Variants in ZNF385D observed in about 807,000 individuals in gnomAD.
ZNF385D encodes the protein zinc finger protein 659.
A neutral mutation model predicts 35.8 loss-of-function variants in ZNF385D; 15 were observed. The ratio of observed to expected loss-of-function variants is 0.42; its 90% CI spans 0.28 to 0.64. ZNF385D has a LOEUF of 0.64. Ranked by LOEUF, ZNF385D falls within the 30% of genes least tolerant of loss-of-function variation. The pLI is 0.23. For synonymous variants in ZNF385D, 212 were observed against 186.8 expected (o/e 1.13, Z -1.10); for missense variants, 474 against 494.6 (o/e 0.96, Z 0.39).
chr3:22,253,579 G>A (rs1039252032), intron 2 of ZNF385D, among the ~76,000 whole-genome samples: 26 of 151,920 alleles, frequency 1.7e-4, no homozygotes, highest in African/African-American at 5.8e-4. Context: ...CTCATGACAT[G>A]ATAGGACTCA....
chr3:21,864,990 C>CTTTTTT (rs3073906), intron 3 of ZNF385D, among the ~76,000 whole-genome samples: 3,995 of 112,104 alleles, frequency 0.036, 267 homozygotes, highest in African/African-American at 0.068. Flanking sequence ...TGGAACAATG[C>CTTTTTT]TTTTTTTTTT....
At chr3:21,969,439 T>C (rs2125336813) in intron 3 of ZNF385D, among the ~76,000 whole-genome samples, 1 of 152,186 alleles carries the variant, frequency 6.6e-6, no homozygotes, top group East Asian at 1.9e-4. Flanking sequence ...GAGAAGGAGG[T>C]CCTAGCTTTC....
At chr3:22,358,662 G>C (rs1235294319) in intron 2 of ZNF385D, among the ~76,000 whole-genome samples, 1 of 151,740 alleles carries the variant, frequency 6.6e-6, no homozygotes, top group Non-Finnish European at 1.5e-5. Flanking sequence ...TAATAAAAGA[G>C]AAATTTTGGA....
At chr3:21,938,945 C>G (rs113084193) in intron 3 of ZNF385D, among the ~76,000 whole-genome samples, 124 of 152,330 alleles carry the variant, frequency 8.1e-4, no homozygotes, top group African/African-American at 2.8e-3. Flanking sequence ...AGTCACTGAA[C>G]TGAACTGTGA....
intron 4 of ZNF385D, among the ~76,000 whole-genome samples, chr3:21,462,748 G>A (rs1013931108): frequency 1.1e-4 from 17 of 152,184 alleles, no homozygotes; most frequent in African/African-American, 3.4e-4. Context: ...TTGGGAGGCC[G>A]AGGAGGGTAG....
intron 4 of ZNF385D, among the ~76,000 whole-genome samples, chr3:21,468,490 A>C (rs1227679206): frequency 6.6e-6 from 1 of 151,958 alleles, no homozygotes; most frequent in Non-Finnish European, 1.5e-5. Flanking sequence ...CCAAATATGC[A>C]TCACCATGTA....
At chr3:21,969,576 C>T (rs1703118274) in intron 3 of ZNF385D, among the ~76,000 whole-genome samples, 1 of 152,152 alleles carries the variant, frequency 6.6e-6, no homozygotes, top group Admixed American at 6.5e-5. Flanking sequence ...TGCTTGACTC[C>T]AGGCCCTGGT....
At chr3:21,994,168 T>A (rs1695320438) in intron 3 of ZNF385D, among the ~76,000 whole-genome samples, 1 of 152,200 alleles carries the variant, frequency 6.6e-6, no homozygotes, top group South Asian at 2.1e-4. Context: ...TGACTACAGG[T>A]GTGTTCCTGG....
At chr3:22,211,267 T>C (rs1296062856) in intron 2 of ZNF385D, among the ~76,000 whole-genome samples, 1 of 151,914 alleles carries the variant, frequency 6.6e-6, no homozygotes, top group Non-Finnish European at 1.5e-5. Context: ...AATGAATGAA[T>C]ATTCCTCAGT....
At chr3:22,127,674 C>G (rs1325092970) in intron 3 of ZNF385D, among the ~76,000 whole-genome samples, 2 of 151,942 alleles carry the variant, frequency 1.3e-5, no homozygotes. Context: ...TCCCATGAGG[C>G]TCACAAATAT....
chr3:21,944,328 C>T (rs1470664349), intron 3 of ZNF385D, among the ~76,000 whole-genome samples: 1 of 152,182 alleles, frequency 6.6e-6, no homozygotes, highest in African/African-American at 2.4e-5. Context: ...GTTAGGATCA[C>T]ACTGAGAACT....
intron 1 of ZNF385D, among the ~76,000 whole-genome samples, chr3:21,701,262 G>A (rs1183020039): frequency 5.9e-5 from 9 of 151,444 alleles, no homozygotes; most frequent in Non-Finnish European, 1.5e-5. Context: ...AATCATGGCA[G>A]GAGGCAAAAG....
chr3:21,979,062 T>C (rs533399226), intron 3 of ZNF385D, among the ~76,000 whole-genome samples: 31 of 152,258 alleles, frequency 2.0e-4, no homozygotes, highest in South Asian at 4.1e-4. Context: ...CTTAGCACAA[T>C]AGAAAATAGT....
intron 3 of ZNF385D, among the ~76,000 whole-genome samples, chr3:21,870,493 C>T (rs750244636): frequency 1.4e-4 from 21 of 152,096 alleles, no homozygotes; most frequent in Non-Finnish European, 2.1e-4. Context: ...TGTACGTAAA[C>T]GTGATTCATG....
intron 2 of ZNF385D, among the ~76,000 whole-genome samples, chr3:21,605,415 T>G (rs1302649213): frequency 6.6e-6 from 1 of 152,170 alleles, no homozygotes; most frequent in African/African-American, 2.4e-5. Flanking sequence ...AATCATACCG[T>G]GCCTATCGTT....
chr3:21,901,874 A>G (rs1699431847), intron 3 of ZNF385D, among the ~76,000 whole-genome samples: 1 of 152,192 alleles, frequency 6.6e-6, no homozygotes, highest in African/African-American at 2.4e-5. Flanking sequence ...ATCTCAGCAA[A>G]GGGAAGGAAG....
Position 22,083,773 on chromosome 3 carries a change from A to G in ZNF385D, c.325+85044T>C, listed in dbSNP as rs374085314. On this transcript the variant is annotated intron_variant, in intron 3 of 5. Transcript: ENST00000494108. ...CTCAAGAAGAGCATCCCTAAGACAC[A>G]TAATTGTCAGATTCACCAGGGTTGA... Among the ~76,000 whole-genome samples, 32 of 152,290 alleles carry G rather than the reference A, an allele frequency of 2.1e-4. No homozygotes were observed. In the East Asian group the frequency reaches 4.4e-3, roughly 21 times the overall value.
intron 1 of ZNF385D, among the ~76,000 whole-genome samples, chr3:21,750,438 C>G (rs4858014): frequency 0.65 from 98,671 of 152,152 alleles, 32,464 homozygotes; most frequent in East Asian, 0.8. Context: ...GCTCACTAGA[C>G]AATGTTTTCC....
At chr3:22,209,593 G>T (rs1046293288) in intron 2 of ZNF385D, among the ~76,000 whole-genome samples, 2 of 151,664 alleles carry the variant, frequency 1.3e-5, no homozygotes, top group African/African-American at 4.8e-5. Context: ...AAATTTTATT[G>T]CATTTTTCCA....
Sources: gnomAD v4.1 joint callset for allele counts (sites outside exome capture counted in the v4.1 genomes callset) on GRCh38, gnomAD v4.1.1 for gene constraint, MANE v1.5 for transcripts, NCBI Gene and HGNC (gene_info 2026-07-23, HGNC 2026-07-21) for gene names.